Variants in PIWIL2 observed in about 807,000 individuals in gnomAD.
PIWIL2 encodes the protein piwi like RNA-mediated gene silencing 2.
Under a neutral mutation model 116.5 loss-of-function variants are expected in PIWIL2, and 81 were observed. The observed-to-expected ratio is 0.70, with a 90% confidence interval of 0.58 to 0.84. The LOEUF (loss-of-function observed/expected upper bound fraction) is 0.84, where lower values mean the gene tolerates loss of function less well. Among genes scored for constraint, PIWIL2 ranks in the 40% least tolerant of loss-of-function variants. The pLI is 0.00. For synonymous variants in PIWIL2, 489 were observed against 429.5 expected, an observed-to-expected ratio of 1.14 and a Z score of -1.71; for missense variants, 1,272 against 1,212.3, an observed-to-expected ratio of 1.05 and a Z score of -0.73.
chr8:22,330,972 C>G (rs1350985511), intron 20 of PIWIL2, among the ~76,000 whole-genome samples: 3 of 151,780 alleles, frequency 2.0e-5, no homozygotes, highest in Non-Finnish European at 4.4e-5. Context: ...GTCAGGAGTT[C>G]GAGACCAGCC....
At position 22,325,025 on chromosome 8, in the gene PIWIL2, T is replaced by C. The variant is rs548107288; in HGVS notation, c.2403+6750T>C. Among the ~76,000 whole-genome samples, 65 of 152,344 alleles carry C rather than the reference T, an allele frequency of 4.3e-4. 1 individual carries two copies. Among genetic ancestry groups the C allele is most frequent in the African/African-American group, 1.6e-3 (65 of 41,592 alleles). ...TTCTGTTGTTTAAGCCAGCTTGTTT[T>C]GTATGACAGCCGTAGCAGACTAATA... On this transcript the variant is annotated intron_variant, in intron 20 of 22. Coordinates refer to ENST00000356766, the MANE Select transcript of PIWIL2 (RefSeq NM_018068.5).
intron 18 of PIWIL2, among the ~76,000 whole-genome samples, chr8:22,315,369 T>C (rs1414047838): frequency 6.6e-6 from 1 of 152,194 alleles, no homozygotes; most frequent in Non-Finnish European, 1.5e-5. Flanking sequence ...CAGGTTGGAG[T>C]GCGATGGCAC....
At chr8:22,289,803 T>C in intron 8 of PIWIL2, 44 bp from the exon 9 acceptor site, 1 of 1,148,470 alleles carries the variant, frequency 8.7e-7, no homozygotes, top group Non-Finnish European at 1.3e-6. Flanking sequence ...AACATAATTT[T>C]ATTACTCTTC....
chr8:22,355,813 C>T lies in PIWIL2; in HGVS notation c.*308C>T. 1 of 300,242 alleles carries T rather than the reference C, an allele frequency of 3.3e-6. No individual in the cohort carries two copies. Among genetic ancestry groups the T allele is most frequent in the East Asian group, 6.7e-5 (1 of 15,026 alleles). 18.6% of individuals were successfully genotyped at this position (300,242 alleles called of 1,614,324 possible). A position where few individuals can be genotyped will look rare whatever the true frequency, so the allele number is the denominator to read the frequency against. On this transcript the variant is annotated 3_prime_UTR_variant, in exon 23 of 23. Transcript: ENST00000356766. The stretch of plus-strand genomic sequence containing the variant: ...TCCAGACCGGGTGCGGTGGTTCACA[C>T]CTGTAATCCAAGCACTTTGGGAGGC...
chr8:22,276,755 T>A (rs1019710470), intron 1 of PIWIL2, among the ~76,000 whole-genome samples: 1 of 152,030 alleles, frequency 6.6e-6, no homozygotes, highest in East Asian at 1.9e-4. Context: ...TTTTAAAAAT[T>A]AGCTGGGTAT....
Position 22,278,167 on chromosome 8 carries a change from T to TA in PIWIL2, c.-46-1164dup, listed in dbSNP as rs956569536. 3.1e-3 allele frequency among the ~76,000 whole-genome samples: 427 copies of TA among 139,268 alleles called. 1 individual carries two copies. Among genetic ancestry groups the TA allele is most frequent in the African/African-American group, 0.011 (401 of 37,628 alleles). The allele number at this position is 139,268 out of a possible 152,430, so 91.4% of individuals were successfully genotyped here. A position where few individuals can be genotyped will look rare whatever the true frequency, so the allele number is the denominator to read the frequency against. On this transcript the variant is annotated intron_variant, in intron 1 of 22. Transcript: ENST00000356766. ...TTGGCAATAAGAGTGAAACTCCGTC[T>TA]AAAAAAAAAAGGGGGGGAGGAAAAG...
At chr8:22,285,950 C>T (rs2131990254) in intron 6 of PIWIL2, among the ~76,000 whole-genome samples, 1 of 152,166 alleles carries the variant, frequency 6.6e-6, no homozygotes, top group African/African-American at 2.4e-5. Context: ...TGGCCAGAAA[C>T]TTCTATACTA....
chr8:22,340,045 ATTTTTT>A (rs10626386), intron 20 of PIWIL2, among the ~76,000 whole-genome samples: 9 of 93,772 alleles, frequency 9.6e-5, no homozygotes, highest in African/African-American at 2.8e-4. Context: ...TATAAAAAGA[ATTTTTT>A]TTTTTTTTTT....
chr8:22,311,621 C>T (rs191870991), intron 16 of PIWIL2, among the ~76,000 whole-genome samples: 24 of 152,318 alleles, frequency 1.6e-4, no homozygotes, highest in African/African-American at 5.8e-4. Context: ...TAGGTGCCGT[C>T]TTGCACGATT....
chr8:22,289,606 G>C (rs1445519595), intron 8 of PIWIL2, among the ~76,000 whole-genome samples: 1 of 152,216 alleles, frequency 6.6e-6, no homozygotes, highest in African/African-American at 2.4e-5. Flanking sequence ...AACCAACTCA[G>C]TGTTTGGTCA....
chr8:22,287,466 A>G, intron 6 of PIWIL2, 62 bp from the exon 7 acceptor site: 1 of 1,040,832 alleles, frequency 9.6e-7, no homozygotes, highest in South Asian at 1.3e-5. Flanking sequence ...CCTGTTGCAC[A>G]GCTCTGGTAA....
chr8:22,331,183 T>C (rs1831854350), intron 20 of PIWIL2, among the ~76,000 whole-genome samples: 4 of 151,254 alleles, frequency 2.6e-5, no homozygotes, highest in Admixed American at 2.6e-4. Context: ...CTCAAAAAAA[T>C]AAAAATAAAA....
intron 10 of PIWIL2, among the ~76,000 whole-genome samples, chr8:22,303,182 G>T (rs1354029832): frequency 1.1e-4 from 17 of 152,104 alleles, no homozygotes; most frequent in Admixed American, 1.1e-3. Flanking sequence ...GCAACAGTTT[G>T]GTATCTGATT....
chr8:22,345,919 T>G (rs1832216705), intron 20 of PIWIL2, among the ~76,000 whole-genome samples: 1 of 152,014 alleles, frequency 6.6e-6, no homozygotes, highest in Admixed American at 6.6e-5. Context: ...GTTCTAGGAG[T>G]CAAAGGAAGG....
At chr8:22,319,187 G>A (rs778233038) in intron 20 of PIWIL2, among the ~76,000 whole-genome samples, 1 of 152,208 alleles carries the variant, frequency 6.6e-6, no homozygotes, top group South Asian at 2.1e-4. Flanking sequence ...AGCAAGAAAT[G>A]TCGTAATTTC....
chr8:22,316,829 C>G (rs1172257333), intron 19 of PIWIL2, among the ~76,000 whole-genome samples: 1 of 151,312 alleles, frequency 6.6e-6, no homozygotes, highest in African/African-American at 2.4e-5. Flanking sequence ...CTGGGATTTA[C>G]TCCACTGGAG....
intron 20 of PIWIL2, among the ~76,000 whole-genome samples, chr8:22,321,147 T>G (rs574011251): frequency 5.9e-5 from 9 of 152,168 alleles, no homozygotes; most frequent in Admixed American, 4.6e-4. Context: ...AAATCTAGAA[T>G]AAAACTGGCT....
At chr8:22,327,935 C>T (rs566807137) in intron 20 of PIWIL2, among the ~76,000 whole-genome samples, 1 of 152,224 alleles carries the variant, frequency 6.6e-6, no homozygotes, top group South Asian at 2.1e-4. Flanking sequence ...CTCTGCTGCA[C>T]GAAAATTTTA....
intron 6 of PIWIL2, among the ~76,000 whole-genome samples, chr8:22,286,670 G>T (rs1027572823): frequency 6.6e-6 from 1 of 151,836 alleles, no homozygotes; most frequent in South Asian, 2.1e-4. Flanking sequence ...TGCGCAGGCC[G>T]GAGTGCAGTG....
Sources: gnomAD v4.1 joint callset for allele counts (sites outside exome capture counted in the v4.1 genomes callset) on GRCh38, gnomAD v4.1.1 for gene constraint, MANE v1.5 for transcripts, NCBI Gene and HGNC (gene_info 2026-07-23, HGNC 2026-07-21) for gene names.